Variants in ERC1 observed in about 807,000 individuals in gnomAD.
ERC1 encodes RAB6 interacting protein 2.
In ERC1, 56 loss-of-function variants were observed where a neutral mutation model predicts 132.0. The observed-to-expected ratio is 0.42, with a 90% CI of 0.34 to 0.53. ERC1 has a LOEUF of 0.53. Ranked by LOEUF, ERC1 falls within the 20% of genes least tolerant of loss-of-function variation. The pLI is 0.03. For missense variants in ERC1, 1,202 were observed against 1,349.9 expected (o/e 0.89, Z 1.72); for synonymous variants, 478 against 476.1 (o/e 1.00, Z -0.05).
intron 17 of ERC1, among the ~76,000 whole-genome samples, chr12:1,436,634 G>A (rs894745900): frequency 6.6e-6 from 1 of 152,116 alleles, no homozygotes; most frequent in African/African-American, 2.4e-5. Context: ...AATGCCAAAA[G>A]GTGGTGTCGT....
intron 3 of ERC1, among the ~76,000 whole-genome samples, chr12:1,100,438 C>T (rs1944535519): frequency 6.6e-6 from 1 of 152,130 alleles, no homozygotes; most frequent in South Asian, 2.1e-4. Flanking sequence ...TTGACTTCTG[C>T]TTTAAAAAGA....
intron 8 of ERC1, 137 bp downstream of exon 8, chr12:1,141,924 C>T (rs972536441): frequency 1.6e-6 from 1 of 624,564 alleles, no homozygotes; most frequent in African/African-American, 1.9e-5. Flanking sequence ...ATTTGGAACT[C>T]TTGTTGCGGT....
rs555366427 is a variant in ERC1, at chr12:1,107,242, G to C, written c.1161+2418G>C. On this transcript the variant is annotated intron_variant, in intron 4 of 18. Coordinates refer to ENST00000360905, the MANE Select transcript of ERC1 (RefSeq NM_178040.4). ...TTGTTTGTTTGTTTTTCCTTTACCAGTGGAGGAACAGGGAAGAATGACTGT... is the reference window on the plus strand; with the variant it reads ...TTGTTTGTTTGTTTTTCCTTTACCACTGGAGGAACAGGGAAGAATGACTGT... 2.0e-5 allele frequency among the ~76,000 whole-genome samples: 3 copies of C among 151,724 alleles called. No homozygotes were observed. The East Asian group carries it at 5.8e-4, about 29-fold the overall frequency.
At chr12:1,044,541 G>T (rs925295254) in intron 2 of ERC1, among the ~76,000 whole-genome samples, 1 of 152,132 alleles carries the variant, frequency 6.6e-6, no homozygotes, top group Non-Finnish European at 1.5e-5. Flanking sequence ...ATTTAAGTGA[G>T]ATTAAAGAAG....
At chr12:1,484,583 C>CCT (rs1555128793) in intron 18 of ERC1, among the ~76,000 whole-genome samples, 4 of 138,128 alleles carry the variant, frequency 2.9e-5, no homozygotes, top group Non-Finnish European at 6.2e-5. Flanking sequence ...TTTTCTTTTC[C>CCT]TTTTTTTTTT....
In ERC1 at chr12:1,236,803, C is replaced by A. The variant is rs1177604644; in HGVS notation, c.2386C>A (p.Leu796Met). Reference sequence around the variant, plus strand: ...AGACCAGAATAAGAAGGTAGCAAATCTGAAGCACAAGGAACAGGTGGAAAA... The same window carrying A: ...AGACCAGAATAAGAAGGTAGCAAATATGAAGCACAAGGAACAGGTGGAAAA... ...VKDQNKKVANLKHKEQVEKKK... is the reference protein window; with the variant it reads ...VKDQNKKVANMKHKEQVEKKK... Residue 796 changes from leucine to methionine, a missense_variant, in exon 13 of 19, where the codon CTG becomes ATG. Coordinates refer to ENST00000360905, the MANE Select transcript of ERC1 (RefSeq NM_178040.4). 6.2e-7 allele frequency: 1 copy of A among 1,613,746 alleles called. No individual in the cohort carries two copies. Among genetic ancestry groups the A allele is most frequent in the Non-Finnish European group, 8.5e-7 (1 of 1,179,924 alleles).
chr12:1,154,277 AC>A (rs201861422), intron 8 of ERC1, among the ~76,000 whole-genome samples: 2,658 of 135,852 alleles, frequency 0.02, 37 homozygotes, highest in Non-Finnish European at 0.031. Flanking sequence ...ATACACATAT[AC>A]ATGTATATAT....
At chr12:1,392,367 T>C (rs1162041199) in intron 16 of ERC1, among the ~76,000 whole-genome samples, 2 of 152,238 alleles carry the variant, frequency 1.3e-5, no homozygotes, top group East Asian at 3.8e-4. Flanking sequence ...AAACTACCTT[T>C]TCTCTTTAGG....
chr12:1,183,497 G>A, intron 11 of ERC1, 76 bp downstream of exon 11: 2 of 959,578 alleles, frequency 2.1e-6, no homozygotes, highest in Non-Finnish European at 2.9e-6. Context: ...ATGTTTATAT[G>A]GAATAATTTA....
intron 15 of ERC1, among the ~76,000 whole-genome samples, chr12:1,358,665 A>G (rs2085775447): frequency 6.6e-6 from 1 of 152,218 alleles, no homozygotes; most frequent in South Asian, 2.1e-4. Context: ...GATACCATGT[A>G]ATAAGCTATA....
chr12:1,476,691 TC>T (rs2093980833), intron 18 of ERC1, among the ~76,000 whole-genome samples: 1 of 152,096 alleles, frequency 6.6e-6, no homozygotes, highest in Admixed American at 6.5e-5. Flanking sequence ...GGGCTGAATA[TC>T]AGTACAGCTA....
chr12:1,394,102 TA>T (rs749931661), intron 16 of ERC1, among the ~76,000 whole-genome samples: 6 of 149,256 alleles, frequency 4.0e-5, no homozygotes, highest in Non-Finnish European at 5.9e-5. Context: ...GATCATACTT[TA>T]AAAAAAAACT....
chr12:1,440,102 C>T (rs899976246), intron 17 of ERC1, among the ~76,000 whole-genome samples: 2 of 152,022 alleles, frequency 1.3e-5, no homozygotes, highest in African/African-American at 4.8e-5. Flanking sequence ...TCAGAGTAAT[C>T]CATCACTTCA....
At chr12:1,156,722 A>G (rs1322048572) in intron 8 of ERC1, among the ~76,000 whole-genome samples, 1 of 151,884 alleles carries the variant, frequency 6.6e-6, no homozygotes. Context: ...TTAAATTTCC[A>G]CTGACTTGGT....
chr12:1,480,363 A>G (rs557313978), intron 18 of ERC1, among the ~76,000 whole-genome samples: 1 of 152,224 alleles, frequency 6.6e-6, no homozygotes, highest in Non-Finnish European at 1.5e-5. Flanking sequence ...GCATCTGCAC[A>G]TCTAGGGAGC....
chr12:1,040,324 C>CTTTTTTTTTTTTTT (rs956609769), intron 2 of ERC1, among the ~76,000 whole-genome samples: 1 of 138,086 alleles, frequency 7.2e-6, no homozygotes. Context: ...TTTCTTTTTT[C>CTTTTTTTTTTTTTT]TTTTTTTTTT....
intron 15 of ERC1, among the ~76,000 whole-genome samples, chr12:1,363,768 C>G (rs570991270): frequency 9.2e-5 from 14 of 152,006 alleles, no homozygotes; most frequent in Non-Finnish European, 1.8e-4. Context: ...GTTGCGCAGG[C>G]TGGGCTCGAA....
At chr12:1,134,345 ATT>A (rs200661798) in intron 7 of ERC1, among the ~76,000 whole-genome samples, 10 of 143,590 alleles carry the variant, frequency 7.0e-5, no homozygotes, top group Non-Finnish European at 9.2e-5. Flanking sequence ...AGCTGTTCTA[ATT>A]TTTTTTTTTT....
At chr12:1,113,566 C>G (rs1946122194) in intron 6 of ERC1, among the ~76,000 whole-genome samples, 1 of 152,086 alleles carries the variant, frequency 6.6e-6, no homozygotes. Context: ...TTTAAAAAAC[C>G]AAACTTGGGC....
Sources: allele counts gnomAD v4.1 joint callset (sites outside exome capture counted in the v4.1 genomes callset), GRCh38; gene constraint gnomAD v4.1.1; transcripts MANE v1.5; gene names NCBI Gene and HGNC (gene_info 2026-07-23, HGNC 2026-07-21).